Variants in XIRP2 observed in about 807,000 individuals in gnomAD.
XIRP2 encodes the protein xin actin-binding repeat-containing protein 2.
In XIRP2, 236 loss-of-function variants were observed where a neutral mutation model predicts 277.0. The observed-to-expected ratio is 0.85, with a 90% confidence interval of 0.77 to 0.95. The LOEUF is 0.95. Among genes scored for constraint, XIRP2 ranks in the 40% least tolerant of loss-of-function variants. XIRP2 has a pLI of 0.00. For missense variants in XIRP2, 4,640 were observed against 4,157.5 expected (o/e 1.12, Z -3.19); for synonymous variants, 1,490 against 1,416.5 (o/e 1.05, Z -1.17).
chr2:167,177,390 C>G (rs1419938231), intron 3 of XIRP2, among the ~76,000 whole-genome samples: 1 of 152,096 alleles, frequency 6.6e-6, no homozygotes, highest in Non-Finnish European at 1.5e-5. Context: ...AGAATGTTTT[C>G]TGTTGCAATT....
At chr2:167,231,384 A>C (rs1694747635) in intron 5 of XIRP2, among the ~76,000 whole-genome samples, 1 of 152,038 alleles carries the variant, frequency 6.6e-6, no homozygotes, top group Non-Finnish European at 1.5e-5. Context: ...CATGGAACAT[A>C]CGTTACCAAA....
In XIRP2 at chr2:167,258,514, G is replaced by A. The variant is rs964800963; in HGVS notation, c.*697G>A. 1 of 1,612,854 alleles carries A rather than the reference G, an allele frequency of 6.2e-7. No homozygotes were observed. Among genetic ancestry groups the A allele is most frequent in the Non-Finnish European group, 8.5e-7 (1 of 1,179,564 alleles). ...CAAAGAGTAACAGGAAAAGTGCTAT[G>A]GATCTTAATGACAACAATAATGTGA... On this transcript the variant is annotated 3_prime_UTR_variant, in exon 11 of 11. Transcript: ENST00000409195.
At chr2:167,096,253 G>C (rs1690315126) in intron 2 of XIRP2, among the ~76,000 whole-genome samples, 1 of 151,978 alleles carries the variant, frequency 6.6e-6, no homozygotes, top group Non-Finnish European at 1.5e-5. Flanking sequence ...TCAGGGATTT[G>C]ACTTCTTCTT....
Position 167,067,401 on chromosome 2 carries a change from C to T in XIRP2, c.409-68508C>T, listed in dbSNP as rs187031877. Among the ~76,000 whole-genome samples the T allele has an allele frequency of 1.3e-4, 20 of 152,180 alleles. No individual in the cohort carries two copies. In the East Asian group the frequency reaches 3.5e-3, roughly 26 times the overall value. ...TTTCTATTTTTTCTCCCATTACTCT[C>T]TTTCTTGTGCTCATGGCTTTCCTCT... On this transcript the variant is annotated intron_variant, in intron 2 of 10. Coordinates refer to ENST00000409195, the MANE Select transcript of XIRP2 (RefSeq NM_152381.6).
At chr2:167,178,505 G>A (rs1573936639) in intron 3 of XIRP2, among the ~76,000 whole-genome samples, 2 of 152,150 alleles carry the variant, frequency 1.3e-5, no homozygotes, top group African/African-American at 4.8e-5. Context: ...AAACACTATT[G>A]TTTGATTCGG....
chr2:167,079,011 T>C (rs1171998185), intron 2 of XIRP2, among the ~76,000 whole-genome samples: 2 of 152,310 alleles, frequency 1.3e-5, no homozygotes, highest in East Asian at 3.9e-4. Flanking sequence ...TACATGGCTC[T>C]GATTATTTTG....
At chr2:167,158,870 A>G (rs950045937) in intron 3 of XIRP2, among the ~76,000 whole-genome samples, 2 of 152,198 alleles carry the variant, frequency 1.3e-5, no homozygotes, top group African/African-American at 4.8e-5. Context: ...ATTAACTATA[A>G]ATGGAGATTG....
In XIRP2 at chr2:166,963,187, A is replaced by G. The variant is rs746338607; in HGVS notation, c.408+59297A>G. On this transcript the variant is annotated intron_variant, in intron 2 of 10. Coordinates refer to ENST00000409195, the MANE Select transcript of XIRP2 (RefSeq NM_152381.6). ...ATAAATTCTAAAAAATAAAAATAAA[A>G]AAACAAAAATCATCAATAAAATTTG... Among the ~76,000 whole-genome samples the G allele has an allele frequency of 3.9e-5, 6 of 152,002 alleles. 1 individual carries two copies. In the Middle Eastern group the frequency reaches 0.02, roughly 517 times the overall value.
chr2:167,033,795 T>G (rs190403064), intron 2 of XIRP2, among the ~76,000 whole-genome samples: 1 of 152,154 alleles, frequency 6.6e-6, no homozygotes, highest in African/African-American at 2.4e-5. Context: ...CATTCAAACA[T>G]GAAAGAAAAA....
chr2:166,903,365 G>T, intron 1 of XIRP2, 100 bp from the exon 2 acceptor site: 1 of 1,234,980 alleles, frequency 8.1e-7, no homozygotes, highest in South Asian at 1.6e-5. Flanking sequence ...TCTTTACTAA[G>T]ACCCAAACCC....
At chr2:167,231,959 A>G (rs1289347632) in intron 5 of XIRP2, among the ~76,000 whole-genome samples, 2 of 151,974 alleles carry the variant, frequency 1.3e-5, no homozygotes, top group African/African-American at 4.8e-5. Flanking sequence ...CTGTACTGTT[A>G]CTGGATACAA....
chr2:167,115,974 G>T (rs1431280782), intron 2 of XIRP2, among the ~76,000 whole-genome samples: 1 of 152,144 alleles, frequency 6.6e-6, no homozygotes, highest in Non-Finnish European at 1.5e-5. Flanking sequence ...TCTCTAGATT[G>T]ATTCCACTTT....
intron 2 of XIRP2, among the ~76,000 whole-genome samples, chr2:167,034,330 T>C (rs181172865): frequency 3.7e-4 from 56 of 152,034 alleles, no homozygotes; most frequent in African/African-American, 1.0e-3. Flanking sequence ...TATTAAAACA[T>C]ACCACCAGAA....
At chr2:167,191,112 G>A (rs1235878849) in intron 3 of XIRP2, among the ~76,000 whole-genome samples, 3 of 151,190 alleles carry the variant, frequency 2.0e-5, no homozygotes, top group African/African-American at 7.3e-5. Flanking sequence ...CCTGAATCTA[G>A]GAGGTTGAGG....
intron 2 of XIRP2, among the ~76,000 whole-genome samples, chr2:167,094,193 G>A (rs983874338): frequency 1.3e-5 from 2 of 152,070 alleles, no homozygotes; most frequent in Admixed American, 1.3e-4. Context: ...ATATGTTTAA[G>A]TTCCTTGTAG....
chr2:167,109,119 G>A (rs1164057490), intron 2 of XIRP2, among the ~76,000 whole-genome samples: 1 of 152,136 alleles, frequency 6.6e-6, no homozygotes, highest in Non-Finnish European at 1.5e-5. Flanking sequence ...AGAACATGCA[G>A]TATTTGGTTT....
chr2:167,210,296 G>T (rs1195000833), intron 3 of XIRP2, among the ~76,000 whole-genome samples: 1 of 152,126 alleles, frequency 6.6e-6, no homozygotes, highest in African/African-American at 2.4e-5. Context: ...TTAAAGGTGT[G>T]ATCCTTGGAA....
At position 167,250,188 on chromosome 2, in the gene XIRP2, A is replaced by G. The variant is rs542357938; in HGVS notation, c.8796A>G (p.Glu2932=). 2 of 1,613,564 alleles carry G rather than the reference A, an allele frequency of 1.2e-6. No homozygotes were observed. Among genetic ancestry groups the G allele is most frequent in the South Asian group, 2.2e-5 (2 of 91,062 alleles). ...AATCTTTCTTTTCCTCTGTGAAAGA[A>G]TCCCAGCGGGATGATGGAAAAGGTG... ...QNKSFFSSVK[E]SQRDDGKGAL... The change falls in exon 9 of 11, where the codon GAA becomes GAG. Residue 2932 remains glutamate (E), a synonymous_variant. Coordinates refer to ENST00000409195, the MANE Select transcript of XIRP2 (RefSeq NM_152381.6).
At chr2:167,060,642 T>A (rs1689153228) in intron 2 of XIRP2, among the ~76,000 whole-genome samples, 1 of 152,306 alleles carries the variant, frequency 6.6e-6, no homozygotes, top group South Asian at 2.1e-4. Flanking sequence ...AATCTATTGA[T>A]CATCTATGTT....
Sources: gnomAD v4.1 joint callset for allele counts (sites outside exome capture counted in the v4.1 genomes callset) on GRCh38, gnomAD v4.1.1 for gene constraint, MANE v1.5 for transcripts, NCBI Gene and HGNC (gene_info 2026-07-23, HGNC 2026-07-21) for gene names.